ARHGEF9: variants seen among roughly 807,000 people sequenced by gnomAD.
The protein encoded by ARHGEF9 is rho guanine nucleotide exchange factor 9.
In ARHGEF9, 2 loss-of-function variants were observed where a neutral mutation model predicts 41.3. The ratio of observed to expected loss-of-function variants is 0.05; its 90% CI spans 0.02 to 0.15. ARHGEF9 has a LOEUF of 0.15. Ranked by LOEUF, ARHGEF9 falls within the 10% of genes least tolerant of loss-of-function variation. The pLI is 1.00. For missense variants in ARHGEF9, 225 were observed against 424.7 expected (o/e 0.53, Z 4.13); for synonymous variants, 160 against 154.4 (o/e 1.04, Z -0.27).
chrX:63,658,414 A>G (rs2049002681), intron 7 of ARHGEF9, among the ~76,000 whole-genome samples: 1 of 112,040 alleles, frequency 8.9e-6, no homozygotes, highest in Non-Finnish European at 1.9e-5. Flanking sequence ...CAAAAGAAAG[A>G]GCATGATGTA....
At chrX:63,702,113 G>C (rs1318888983) in intron 3 of ARHGEF9, among the ~76,000 whole-genome samples, 1 of 112,501 alleles carries the variant, frequency 8.9e-6, no homozygotes, top group African/African-American at 3.2e-5. Flanking sequence ...AGAATTTCTT[G>C]ATAGTGAATG....
intron 5 of ARHGEF9, among the ~76,000 whole-genome samples, chrX:63,678,130 G>A (rs2050386152): frequency 9.0e-6 from 1 of 111,665 alleles, no homozygotes; most frequent in South Asian, 3.8e-4. Context: ...AAATATAGTG[G>A]CAAAGGACCC....
intron 1 of ARHGEF9, among the ~76,000 whole-genome samples, chrX:63,776,005 C>T (rs112678780): frequency 0.015 from 1,625 of 111,080 alleles, 35 homozygotes; most frequent in African/African-American, 0.051. Context: ...TATTTCCCCC[C>T]TACTCAATAC....
At chrX:63,713,061 A>C (rs1412855847) in intron 2 of ARHGEF9, 4 of 111,721 alleles carry the variant, frequency 3.6e-5, no homozygotes, top group Non-Finnish European at 7.5e-5. Flanking sequence ...ATAAAGGCTC[A>C]AGGAGTGTCT....
chrX:63,642,359 T>C (rs1172817996), intron 9 of ARHGEF9: 5 of 111,981 alleles, frequency 4.5e-5, no homozygotes, highest in Admixed American at 1.9e-4. Flanking sequence ...TAACTCCAGA[T>C]TGCTTTCTAA....
intron 2 of ARHGEF9, among the ~76,000 whole-genome samples, chrX:63,718,081 C>G (rs1556411282): frequency 9.0e-6 from 1 of 111,403 alleles, no homozygotes; most frequent in Admixed American, 9.5e-5. Flanking sequence ...GACCAACCCA[C>G]TTCTGAGTAT....
intron 1 of ARHGEF9, chrX:63,754,752 G>A: frequency 1.0e-6 from 1 of 953,325 alleles, no homozygotes; most frequent in Non-Finnish European, 1.3e-6. Context: ...GGGGAGGGGA[G>A]GGGGATGGGG....
intron 6 of ARHGEF9, among the ~76,000 whole-genome samples, chrX:63,672,490 G>A (rs2050022138): frequency 9.0e-6 from 1 of 110,841 alleles, no homozygotes; most frequent in African/African-American, 3.3e-5. Flanking sequence ...CATACATGCA[G>A]GAAATTCCTT....
At chrX:63,663,227 A>C (rs1196992163) in intron 7 of ARHGEF9, among the ~76,000 whole-genome samples, 2 of 111,766 alleles carry the variant, frequency 1.8e-5, no homozygotes, top group African/African-American at 6.5e-5. Context: ...TGCCTCAAAC[A>C]GGGGGTTGTC....
At chrX:63,729,230 T>C in intron 1 of ARHGEF9, among the ~76,000 whole-genome samples, 1 of 110,839 alleles carries the variant, frequency 9.0e-6, no homozygotes, top group East Asian at 2.8e-4. Flanking sequence ...TTAGGGTATA[T>C]ATACAGGGTT....
chrX:63,674,196 C>A, intron 5 of ARHGEF9, 29 bp from the exon 6 acceptor site: 1 of 1,207,001 alleles, frequency 8.3e-7, no homozygotes, highest in East Asian at 3.0e-5. Context: ...GCAAGTTGAA[C>A]CAACCAATGT....
intron 1 of ARHGEF9, among the ~76,000 whole-genome samples, chrX:63,748,757 A>T (rs781865472): frequency 2.1e-4 from 23 of 111,810 alleles, no homozygotes; most frequent in African/African-American, 7.5e-4. Flanking sequence ...ATGGGTATTT[A>T]AAAAAAAGCT....
At chrX:63,681,355 A>G (rs2050611897) in intron 4 of ARHGEF9, among the ~76,000 whole-genome samples, 1 of 112,056 alleles carries the variant, frequency 8.9e-6, no homozygotes, top group African/African-American at 3.2e-5. Flanking sequence ...CTATACCACA[A>G]AATAAGTCTT....
intron 1 of ARHGEF9, among the ~76,000 whole-genome samples, chrX:63,728,471 T>C (rs1453867648): frequency 5.3e-5 from 6 of 112,196 alleles, no homozygotes; most frequent in Non-Finnish European, 7.5e-5. Context: ...CCTTCGATTC[T>C]GGGCTTTACT....
At chrX:63,639,783 C>T (rs782723029) in intron 9 of ARHGEF9, 1 of 111,902 alleles carries the variant, frequency 8.9e-6, no homozygotes, top group Non-Finnish European at 1.9e-5. Flanking sequence ...TATTCAGCCA[C>T]AAAAAGAATG....
intron 2 of ARHGEF9, among the ~76,000 whole-genome samples, chrX:63,718,232 C>T (rs1309489329): frequency 9.0e-6 from 1 of 111,415 alleles, no homozygotes; most frequent in Non-Finnish European, 1.9e-5. Flanking sequence ...TTAGTAAATA[C>T]TGGTGAGAAG....
chrX:63,714,341 G>A (rs1239020308), intron 2 of ARHGEF9, among the ~76,000 whole-genome samples: 3 of 112,219 alleles, frequency 2.7e-5, no homozygotes, highest in African/African-American at 9.7e-5. Context: ...GTCTTCCCAC[G>A]AACTCTCTTA....
At chrX:63,660,588 A>G (rs1419582449) in intron 7 of ARHGEF9, among the ~76,000 whole-genome samples, 1 of 112,417 alleles carries the variant, frequency 8.9e-6, no homozygotes, top group Non-Finnish European at 1.9e-5. Flanking sequence ...AATAAAAGCT[A>G]CTAAATGGCA....
chrX:63,696,174 AAC>A (rs2051735317), intron 4 of ARHGEF9, among the ~76,000 whole-genome samples: 1 of 112,202 alleles, frequency 8.9e-6, no homozygotes, highest in Non-Finnish European at 1.9e-5. Context: ...AACCCACCCC[AAC>A]ACAGAGTCTC....
Sources: gnomAD v4.1 joint callset for allele counts (sites outside exome capture counted in the v4.1 genomes callset) on GRCh38, gnomAD v4.1.1 for gene constraint, MANE v1.5 for transcripts, NCBI Gene and HGNC (gene_info 2026-07-23, HGNC 2026-07-21) for gene names.